TANK: variants seen among roughly 807,000 people sequenced by gnomAD.
The protein encoded by TANK is TRAF family member-associated NF-kappa-B activator.
In TANK, 15 loss-of-function variants were observed where a neutral mutation model predicts 43.6. That is an observed-to-expected ratio of 0.34 (90% CI 0.23 to 0.53). The LOEUF is 0.53. Ranked by LOEUF, TANK falls within the 20% of genes least tolerant of loss-of-function variation. TANK has a pLI of 0.94. For missense variants in TANK, 417 were observed against 498.6 expected, an observed-to-expected ratio of 0.84 and a Z score of 1.56; for synonymous variants, 162 against 178.2, an observed-to-expected ratio of 0.91 and a Z score of 0.73.
chr2:161,179,059 T>G (rs1685302100), intron 1 of TANK, among the ~76,000 whole-genome samples: 1 of 152,186 alleles, frequency 6.6e-6, no homozygotes, highest in South Asian at 2.1e-4. Flanking sequence ...ATGTGATTTT[T>G]CTTTTTTAAC....
At chr2:161,220,511 G>A (rs904792390) in intron 4 of TANK, among the ~76,000 whole-genome samples, 18 of 152,114 alleles carry the variant, frequency 1.2e-4, no homozygotes, top group African/African-American at 4.3e-4. Context: ...GCTGAGGCAG[G>A]AGAATTGCTT....
At chr2:161,146,229 T>G (rs1029406088) in intron 1 of TANK, among the ~76,000 whole-genome samples, 1 of 152,186 alleles carries the variant, frequency 6.6e-6, no homozygotes, top group African/African-American at 2.4e-5. Context: ...TCCTATAGCC[T>G]TTTATCAAGC....
chr2:161,180,781 C>T (rs1255027148), intron 2 of TANK, among the ~76,000 whole-genome samples: 1 of 152,062 alleles, frequency 6.6e-6, no homozygotes, highest in Non-Finnish European at 1.5e-5. Flanking sequence ...TGGAAAAAGA[C>T]ATCAGGAGGA....
intron 1 of TANK, among the ~76,000 whole-genome samples, chr2:161,169,019 TC>T (rs1314571694): frequency 1.3e-5 from 2 of 152,208 alleles, no homozygotes; most frequent in East Asian, 3.8e-4. Context: ...AAAATTTACT[TC>T]CCAAACACTT....
rs573457512 is a variant in TANK at position 161,186,826 on chromosome 2, C to CA, written c.99+7070dup. ...TAAAGAAAATTCAATAGCAAAACAA[C>CA]AAAAACAAATCAATTTTGAAATGGG... On this transcript the variant is annotated intron_variant, in intron 2 of 7. Transcript: ENST00000392749. 2.7e-3 allele frequency among the ~76,000 whole-genome samples: 410 copies of CA among 152,100 alleles called. 3 individuals carry two copies. The highest frequency in any genetic ancestry group is 9.7e-3 in the African/African-American group (401 of 41,526).
At position 161,153,712 on chromosome 2, in the gene TANK, T is replaced by G. The variant is rs1239094897; in HGVS notation, c.-50+16649T>G. Among the ~76,000 whole-genome samples the G allele has an allele frequency of 8.1e-5, 8 of 98,480 alleles. No individual in the cohort carries two copies. In the South Asian group the frequency reaches 2.9e-3, roughly 35 times the overall value. 64.6% of individuals were successfully genotyped at this position (98,480 alleles called of 152,430 possible). A position where few individuals can be genotyped will look rare whatever the true frequency, so the allele number is the denominator to read the frequency against. ...CAAAAAAAAAAAAAAAAAAAAAAAA[T>G]CAACTGCATGTAGAACCACCTACTA... On this transcript the variant is annotated intron_variant, in intron 1 of 7. Transcript: ENST00000259075.
intron 2 of TANK, among the ~76,000 whole-genome samples, chr2:161,193,751 ATGT>A (rs1020677560): frequency 6.6e-6 from 1 of 152,146 alleles, no homozygotes; most frequent in African/African-American, 2.4e-5. Context: ...TCTTTTAATG[ATGT>A]TGTCCAGAAT....
chr2:161,210,413 A>G (rs1010526133), intron 4 of TANK, among the ~76,000 whole-genome samples: 4 of 152,248 alleles, frequency 2.6e-5, no homozygotes, highest in Non-Finnish European at 5.9e-5. Flanking sequence ...GACAACATCT[A>G]TCCCCTTTAA....
At chr2:161,177,201 A>G (rs1481438507) in intron 1 of TANK, among the ~76,000 whole-genome samples, 4 of 152,182 alleles carry the variant, frequency 2.6e-5, no homozygotes, top group Non-Finnish European at 5.9e-5. Context: ...GTAGAAACTA[A>G]CTTCCTAAGT....
intron 4 of TANK, among the ~76,000 whole-genome samples, chr2:161,217,870 C>T (rs1438770657): frequency 1.3e-5 from 2 of 152,052 alleles, no homozygotes; most frequent in Admixed American, 6.6e-5. Flanking sequence ...AGGACTTTAT[C>T]AGCTGCTATA....
At chr2:161,222,877 A>G (rs1687418692) in intron 4 of TANK, 1 of 152,068 alleles carries the variant, frequency 6.6e-6, no homozygotes, top group Admixed American at 6.6e-5. Flanking sequence ...AAAACTGGGA[A>G]ATAAATTGGA....
upstream of TANK, chr2:161,160,408 T>G (rs368741020): frequency 7.8e-5 from 97 of 1,241,088 alleles, no homozygotes; most frequent in East Asian, 2.5e-3. Flanking sequence ...TGGAACAAAA[T>G]GCAACTTCCG....
chr2:161,206,107 A>G (rs1374693120), intron 4 of TANK, among the ~76,000 whole-genome samples: 3 of 152,172 alleles, frequency 2.0e-5, no homozygotes, highest in Admixed American at 6.5e-5. Flanking sequence ...AAAAAGGAAT[A>G]ATGAGGGCTT....
chr2:161,181,325 C>A (rs186888097), intron 2 of TANK, among the ~76,000 whole-genome samples: 1 of 152,038 alleles, frequency 6.6e-6, no homozygotes, highest in East Asian at 1.9e-4. Context: ...GAAGCTAAGG[C>A]AAGAGAATCA....
At chr2:161,219,752 C>T (rs1257236947) in intron 4 of TANK, 1 of 465,956 alleles carries the variant, frequency 2.1e-6, no homozygotes. Context: ...TTCACTATAA[C>T]ATCTTTTGTC....
intron 4 of TANK, 80 bp downstream of exon 4, chr2:161,204,873 T>C (rs1432614557): frequency 6.4e-7 from 1 of 1,557,146 alleles, no homozygotes; most frequent in Non-Finnish European, 8.6e-7. Context: ...TCTGAAGTGA[T>C]CTGCTGGAAT....
intron 2 of TANK, among the ~76,000 whole-genome samples, chr2:161,190,028 AAC>A (rs1407298504): frequency 1.3e-5 from 2 of 152,232 alleles, no homozygotes; most frequent in Non-Finnish European, 2.9e-5. Context: ...GGGCACTATC[AAC>A]AGAGTGAAAA....
At chr2:161,201,436 A>G in intron 2 of TANK, 1 of 248,854 alleles carries the variant, frequency 4.0e-6, no homozygotes, top group Non-Finnish European at 6.4e-6. Context: ...TGGGAAAAAA[A>G]GACATAGAGA....
At chr2:161,210,358 G>A (rs1235283238) in intron 4 of TANK, among the ~76,000 whole-genome samples, 1 of 152,020 alleles carries the variant, frequency 6.6e-6, no homozygotes, top group Admixed American at 6.6e-5. Context: ...GTCATTAACA[G>A]AAATACAAAA....
Sources: gnomAD v4.1 joint callset for allele counts (sites outside exome capture counted in the v4.1 genomes callset) on GRCh38, gnomAD v4.1.1 for gene constraint, MANE v1.5 for transcripts, NCBI Gene and HGNC (gene_info 2026-07-23, HGNC 2026-07-21) for gene names.